Variants in ATAD2B observed in about 807,000 individuals in gnomAD.
ATAD2B encodes the protein ATPase family AAA domain containing 2B.
A neutral mutation model predicts 167.6 loss-of-function variants in ATAD2B; 40 were observed. The observed-to-expected ratio is 0.24, with a 90% CI of 0.19 to 0.31. ATAD2B has a LOEUF of 0.31. Among genes scored for constraint, ATAD2B ranks in the 10% least tolerant of loss-of-function variants. The probability of loss-of-function intolerance (pLI) is 1.00; values close to 1 mark genes in which losing one functional copy is unlikely to be tolerated. For missense variants in ATAD2B, 1,242 were observed against 1,757.2 expected, an observed-to-expected ratio of 0.71 and a Z score of 5.24; for synonymous variants, 579 against 596.5, an observed-to-expected ratio of 0.97 and a Z score of 0.43.
chr2:23,711,342 C>CTTTTTTTTTTTTTTTTTTTTTT, the ATAD2B span, among the ~76,000 whole-genome samples: 1 of 79,784 alleles, frequency 1.3e-5, no homozygotes, highest in Non-Finnish European at 2.4e-5. Flanking sequence ...GAATTTCTTT[C>CTTTTTTTTTTTTTTTTTTTTTT]TTTTTTTTTT....
chr2:23,755,886 T>C (rs1415279807), intron 25 of ATAD2B, among the ~76,000 whole-genome samples: 1 of 152,150 alleles, frequency 6.6e-6, no homozygotes, highest in Non-Finnish European at 1.5e-5. Context: ...TAAAATCATA[T>C]TGATCCTCAT....
At chr2:23,684,858 C>T in the ATAD2B span, among the ~76,000 whole-genome samples, 2 of 152,200 alleles carry the variant, frequency 1.3e-5, no homozygotes, top group African/African-American at 4.8e-5. The surrounding 1 kb of genome is among the most constrained non-coding windows in gnomAD (Gnocchi z 4.4). Context: ...CAAGCTGTCC[C>T]TGAGATTAGG....
chr2:23,784,830 T>G (rs749231332), intron 21 of ATAD2B, among the ~76,000 whole-genome samples: 1 of 152,066 alleles, frequency 6.6e-6, no homozygotes, highest in Non-Finnish European at 1.5e-5. Context: ...AAAAGCCAAT[T>G]AGGCATGTCC....
At chr2:23,815,695 A>G (rs922248319) in intron 17 of ATAD2B, among the ~76,000 whole-genome samples, 1 of 152,232 alleles carries the variant, frequency 6.6e-6, no homozygotes, top group African/African-American at 2.4e-5. Context: ...CAATGAGAGG[A>G]TGGCAAAATT....
Position 23,786,093 on chromosome 2 carries a change from A to G in ATAD2B, c.2907T>C (p.Asp969=). ...TATCTGTGGCCAGCCTCTTGGTTACATCCCTGAGAAACAACCGCAACTCTC... is the reference window on the plus strand; with the variant it reads ...TATCTGTGGCCAGCCTCTTGGTTACGTCCCTGAGAAACAACCGCAACTCTC... ...TLRELRLFLR[D]VTKRLATDKR... The change falls in exon 21 of 28, where the codon GAT becomes GAC. Residue 969 remains aspartate (D), a synonymous_variant. Coordinates refer to ENST00000238789, the MANE Select transcript of ATAD2B (RefSeq NM_017552.4). 6.2e-7 allele frequency: 1 copy of G among 1,612,112 alleles called. No individual in the cohort carries two copies. Among genetic ancestry groups the G allele is most frequent in the South Asian group, 1.1e-5 (1 of 90,674 alleles).
chr2:23,763,080 A>C (rs887574896), intron 23 of ATAD2B, among the ~76,000 whole-genome samples: 1 of 152,162 alleles, frequency 6.6e-6, no homozygotes, highest in Non-Finnish European at 1.5e-5. Context: ...TGAATTTCCT[A>C]AAGATAGATC....
rs572562539 is a variant in ATAD2B at position 23,786,171 on chromosome 2, T to C, written c.2829A>G (p.Gln943=). The stretch of plus-strand genomic sequence containing the variant: ...TTCGACTTTTTTCTGATTCTGATAA[T>C]TGACGAGGTGGAGAAGGTAGTGCAA... ...LPLALPSPPR[Q]LSESEKSRME... is the part of the protein sequence containing the mutation. Residue 943 remains glutamine, a synonymous_variant, in exon 21 of 28, where the codon CAA becomes CAG. Coordinates refer to ENST00000238789, the MANE Select transcript of ATAD2B (RefSeq NM_017552.4). The C allele has an allele frequency of 4.0e-4, 638 of 1,597,136 alleles. 6 individuals are homozygous for C. The South Asian group carries it at 6.8e-3, about 17-fold the overall frequency.
chr2:23,702,070 A>G, the ATAD2B span, among the ~76,000 whole-genome samples: 56 of 150,886 alleles, frequency 3.7e-4, no homozygotes, highest in East Asian at 9.8e-3. Context: ...TGATCCGCCC[A>G]CCTCGGCCTC....
chr2:23,696,191 C>T, the ATAD2B span: 1 of 1,516,302 alleles, frequency 6.6e-7, no homozygotes, highest in Non-Finnish European at 8.9e-7. This position sits in a 1 kb window ranked among gnomAD's most constrained non-coding sequence, Gnocchi z 5.5. Context: ...GGGACTGCTC[C>T]CCACGTCAGG....
chr2:23,747,199 A>G (rs1674935892), downstream of ATAD2B, among the ~76,000 whole-genome samples: 1 of 152,074 alleles, frequency 6.6e-6, no homozygotes, highest in Admixed American at 6.6e-5. Flanking sequence ...CCCTTCCCTC[A>G]TGAATAAATT....
rs186059104 is a variant in ATAD2B at position 23,863,663 on chromosome 2, T to A, written c.1305-108A>T. 139 of 1,017,474 alleles carry A rather than the reference T, an allele frequency of 1.4e-4. No homozygotes were observed. The East Asian group carries it at 3.7e-3, about 27-fold the overall frequency. The allele number at this position is 1,017,474 out of a possible 1,614,324, so 63.0% of individuals were successfully genotyped here. On this transcript the variant is annotated intron_variant, in intron 11 of 27. Coordinates refer to ENST00000238789, the MANE Select transcript of ATAD2B (RefSeq NM_017552.4). ...CATATAATTTTGTATTGAAGTATAA[T>A]TATTAGACATTGATAAAGCTTTTTC...
intron 16 of ATAD2B, among the ~76,000 whole-genome samples, chr2:23,822,324 C>T (rs538375373): frequency 6.6e-6 from 1 of 152,140 alleles, no homozygotes; most frequent in Non-Finnish European, 1.5e-5. Context: ...CACCTGAGGT[C>T]AGGAGTTGGA....
intron 7 of ATAD2B, among the ~76,000 whole-genome samples, chr2:23,879,533 GGAGTTT>G (rs1697540242): frequency 6.6e-6 from 1 of 152,156 alleles, no homozygotes; most frequent in East Asian, 1.9e-4. Flanking sequence ...CTTGAGCTCA[GGAGTTT>G]GAGGCTGTAG....
chr2:23,788,638 T>C lies in ATAD2B; in HGVS notation c.2650A>G (p.Ile884Val). The C allele has an allele frequency of 6.3e-7, 1 of 1,593,022 alleles. No homozygotes were observed. The highest frequency in any genetic ancestry group is 8.6e-7 in the Non-Finnish European group (1 of 1,162,332). ...ACCTCTTCATACTGTATTCTAAAGA[T>C]ACATTTAACCTACACATATACACAC... The part of the protein sequence containing the change: ...YSELPEEVKC[I>V]FRIQYEEVLY... Residue 884 changes from isoleucine (I) to valine (V), a missense_variant, in exon 20 of 28, where the codon ATC becomes GTC. By Grantham distance (29) the Ile-to-Val change is conservative (BLOSUM62 3). Transcript: ENST00000238789.
the ATAD2B span, among the ~76,000 whole-genome samples, chr2:23,725,382 T>G: frequency 0.08 from 12,118 of 152,226 alleles, 587 homozygotes; most frequent in South Asian, 0.13. Flanking sequence ...ACACAAACAA[T>G]AAATGTCTGT....
chr2:23,869,428 T>C (rs1695594040), intron 9 of ATAD2B, among the ~76,000 whole-genome samples: 1 of 152,180 alleles, frequency 6.6e-6, no homozygotes, highest in East Asian at 1.9e-4. Context: ...CTGTTTCCCT[T>C]AGCTCTCCTT....
chr2:23,849,070 AAAAG>A (rs1692147650), intron 13 of ATAD2B, among the ~76,000 whole-genome samples: 1 of 152,152 alleles, frequency 6.6e-6, no homozygotes, highest in African/African-American at 2.4e-5. Context: ...AAGAAACAGA[AAAAG>A]AAAACAGCAG....
intron 1 of ATAD2B, among the ~76,000 whole-genome samples, chr2:23,920,391 T>C (rs1451965887): frequency 6.6e-6 from 1 of 152,270 alleles, no homozygotes; most frequent in African/African-American, 2.4e-5. Context: ...GCATACCATG[T>C]GCACATTTGC....
intron 7 of ATAD2B, among the ~76,000 whole-genome samples, chr2:23,876,542 C>T (rs1696871103): frequency 6.6e-6 from 1 of 152,082 alleles, no homozygotes; most frequent in Non-Finnish European, 1.5e-5. Context: ...CCTCATGAGC[C>T]GCCCGCCTAG....
Sources: allele counts gnomAD v4.1 joint callset (sites outside exome capture counted in the v4.1 genomes callset), GRCh38; gene constraint gnomAD v4.1.1; non-coding constraint Gnocchi (gnomAD v3.1); transcripts MANE v1.5; gene names NCBI Gene and HGNC (gene_info 2026-07-23, HGNC 2026-07-21).